ZNF550: variants seen among roughly 807,000 people sequenced by gnomAD.
The protein encoded by ZNF550 is zinc finger protein 550.
A neutral mutation model predicts 40.2 loss-of-function variants in ZNF550; 42 were observed. The observed-to-expected ratio is 1.05, with a 90% CI of 0.82 to 1.35. The LOEUF (loss-of-function observed/expected upper bound fraction) is 1.35, where lower values mean the gene tolerates loss of function less well. ZNF550 is among the 40% of genes most tolerant of loss of function. The pLI is 0.00. For synonymous variants in ZNF550, 223 were observed against 198.6 expected, an observed-to-expected ratio of 1.12 and a Z score of -1.03; for missense variants, 549 against 525.2, an observed-to-expected ratio of 1.05 and a Z score of -0.44.
intron 1 of ZNF550, among the ~76,000 whole-genome samples, chr19:57,558,138 GAGC>G (rs200529097): frequency 0.012 from 1,886 of 152,340 alleles, 36 homozygotes; most frequent in African/African-American, 0.043. Context: ...AGCTGCCAGA[GAGC>G]AGGCAGGTGG....
chr19:57,559,667 C>T, exon 1 of ZNF550: 1 of 1,508,110 alleles, frequency 6.6e-7, no homozygotes, highest in South Asian at 1.2e-5. Context: ...TGCGCTGCGT[C>T]CTTCGTCTCC....
In ZNF550 at chr19:57,556,604, G is replaced by A. The variant is rs545143746; in HGVS notation, c.28-247C>T. 200 of 416,104 alleles carry A rather than the reference G, an allele frequency of 4.8e-4. 2 individuals are homozygous for A. The South Asian group carries it at 4.8e-3, about 10-fold the overall frequency. 25.8% of individuals were successfully genotyped at this position (416,104 alleles called of 1,614,324 possible). ...ATGACACAAACAATGGCAATCCCAC[G>A]AGGACTATGGGAAGCAGAGAGTAAG... On this transcript the variant is annotated intron_variant, in intron 1 of 4. Coordinates refer to ENST00000457177, the Ensembl canonical transcript of ZNF550.
chr19:57,552,922 C>G, intron 2 of ZNF550, 200 bp from the exon 3 acceptor site: 1 of 549,916 alleles, frequency 1.8e-6, no homozygotes. Context: ...ATGTTGATGC[C>G]CTAACACCCA....
intron 1 of ZNF550, 76 bp from the exon 2 acceptor site, chr19:57,556,433 G>C: frequency 6.5e-7 from 1 of 1,538,354 alleles, no homozygotes; most frequent in African/African-American, 1.4e-5. Flanking sequence ...TCAGTCTCTA[G>C]TCAATGTGCA....
At position 57,556,219 on chromosome 19, in the gene ZNF550, G is replaced by C. The variant is rs182891525; in HGVS notation, c.154+12C>G. On this transcript the variant is annotated intron_variant, in intron 2 of 4. Transcript: ENST00000457177. ...TTAGGGTCCTCCTCAGGGATGAGAG[G>C]TGAGTCATTACCTAGTGAAACCAGA... 6.2e-7 allele frequency: 1 copy of C among 1,613,960 alleles called. No homozygotes were observed. Among genetic ancestry groups the C allele is most frequent in the East Asian group, 2.2e-5 (1 of 44,870 alleles).
In ZNF550 at chr19:57,559,643, C is replaced by T; in HGVS notation, c.27+13G>A. 1 of 1,487,006 alleles carries T rather than the reference C, an allele frequency of 6.7e-7. No individual in the cohort carries two copies. The allele number at this position is 1,487,006 out of a possible 1,614,324, so 92.1% of individuals were successfully genotyped here. Reference sequence around the variant, plus strand: ...GGCCGGGTGGCCGCGGGGAGCCGAGCCAGTCTGCTCACCTGCGCTGCGTCC... The same window carrying T: ...GGCCGGGTGGCCGCGGGGAGCCGAGTCAGTCTGCTCACCTGCGCTGCGTCC... On this transcript the variant is annotated intron_variant, in intron 1 of 4. Coordinates refer to ENST00000457177, the Ensembl canonical transcript of ZNF550.
At chr19:57,552,649 G>T in exon 3 of ZNF550, 1 of 1,597,804 alleles carries the variant, frequency 6.3e-7, no homozygotes, top group Non-Finnish European at 8.5e-7. Context: ...CATGTGAGAG[G>T]CCTCTCTTCA....
chr19:57,552,523 G>A (rs1385512776), intron 3 of ZNF550, 104 bp downstream of exon 3: 3 of 897,870 alleles, frequency 3.3e-6, no homozygotes, highest in Non-Finnish European at 5.1e-6. Flanking sequence ...CAGGCCCCCG[G>A]AAAGCCACAA....
At position 57,546,135 on chromosome 19, in the gene ZNF550, T is replaced by C. The variant is rs148328926; in HGVS notation, c.*518+322A>G. Reference sequence around the variant, plus strand: ...ACATGGGTTCTTCTCACCCTAGATATAAAAAAGAAGTGTCACATGAAGATG... The same window carrying C: ...ACATGGGTTCTTCTCACCCTAGATACAAAAAAGAAGTGTCACATGAAGATG... On this transcript the variant is annotated intron_variant, in intron 4 of 4. Transcript: ENST00000457177. Among the ~76,000 whole-genome samples, 312 of 152,270 alleles carry C rather than the reference T, an allele frequency of 2.0e-3. 1 individual carries two copies. The highest frequency in any genetic ancestry group is 7.2e-3 in the African/African-American group (298 of 41,560).
chr19:57,546,688 T>C, exon 4 of ZNF550: 1 of 1,173,322 alleles, frequency 8.5e-7, no homozygotes, highest in Non-Finnish European at 1.1e-6. Context: ...ATGAGTTCTC[T>C]GATGTTGATG....
chr19:57,547,376 T>A, exon 4 of ZNF550: 1 of 1,612,952 alleles, frequency 6.2e-7, no homozygotes. Flanking sequence ...CGACATTGAC[T>A]ACACTCATAG....
upstream of ZNF550, among the ~76,000 whole-genome samples, chr19:57,560,022 A>G (rs1388698047): frequency 2.0e-5 from 3 of 152,216 alleles, no homozygotes; most frequent in African/African-American, 7.2e-5. Flanking sequence ...TAGCGGAGCA[A>G]GTGTACACAC....
intron 4 of ZNF550, among the ~76,000 whole-genome samples, chr19:57,545,882 G>A (rs972723526): frequency 2.6e-5 from 4 of 152,116 alleles, no homozygotes; most frequent in African/African-American, 7.2e-5. Flanking sequence ...GCGTAGTGGT[G>A]TATGCCTGTA....
intron 3 of ZNF550, among the ~76,000 whole-genome samples, chr19:57,551,780 G>A (rs961732394): frequency 1.3e-5 from 2 of 152,194 alleles, no homozygotes; most frequent in Non-Finnish European, 2.9e-5. Flanking sequence ...AATCCACAAG[G>A]CAAATGGCTC....
intron 4 of ZNF550, chr19:57,543,446 G>T: frequency 3.3e-6 from 1 of 298,884 alleles, no homozygotes; most frequent in Non-Finnish European, 4.9e-6. Flanking sequence ...GTCTTTGCAT[G>T]ACCGACTTGC....
At chr19:57,545,718 C>CA (rs1250072836) in intron 4 of ZNF550, among the ~76,000 whole-genome samples, 15 of 151,974 alleles carry the variant, frequency 9.9e-5, no homozygotes, top group South Asian at 2.1e-4. Flanking sequence ...CTCATCTATA[C>CA]AAAAAAATTT....
chr19:57,544,473 G>T, intron 4 of ZNF550: 1 of 985,410 alleles, frequency 1.0e-6, no homozygotes, highest in Non-Finnish European at 1.2e-6. Flanking sequence ...TTAGGTACAA[G>T]TACAGCCACA....
rs192330487 is a variant in ZNF550, at chr19:57,543,198, C to T, written c.*564G>A. 1.9e-5 allele frequency: 18 copies of T among 952,618 alleles called. No individual in the cohort carries two copies. The East Asian group carries it at 1.7e-3, about 92-fold the overall frequency. 59.0% of individuals were successfully genotyped at this position (952,618 alleles called of 1,614,324 possible). A position where few individuals can be genotyped will look rare whatever the true frequency, so the allele number is the denominator to read the frequency against. On this transcript the variant is annotated 3_prime_UTR_variant, in exon 5 of 5. Transcript: ENST00000457177. ...TTGTAGTTCTATTATGTTTTTATTC[C>T]GTCAGCAATTTCTTAAATTTCTCTT...
intron 3 of ZNF550, among the ~76,000 whole-genome samples, chr19:57,549,611 G>A (rs1428309793): frequency 6.6e-6 from 1 of 152,174 alleles, no homozygotes; most frequent in Non-Finnish European, 1.5e-5. Flanking sequence ...CATTGCCAGA[G>A]AGAGGAAGTG....
Sources: gnomAD v4.1 joint callset for allele counts (sites outside exome capture counted in the v4.1 genomes callset) on GRCh38, gnomAD v4.1.1 for gene constraint, MANE v1.5 for transcripts, NCBI Gene and HGNC (gene_info 2026-07-23, HGNC 2026-07-21) for gene names.